HEATR1: variants seen among roughly 807,000 people sequenced by gnomAD.
The protein encoded by HEATR1 is HEAT repeat containing 1.
A neutral mutation model predicts 248.2 loss-of-function variants in HEATR1; 77 were observed. The ratio of observed to expected loss-of-function variants is 0.31; its 90% confidence interval spans 0.26 to 0.37. The LOEUF (loss-of-function observed/expected upper bound fraction) is 0.37, where lower values mean the gene tolerates loss of function less well. HEATR1 is among the 10% of genes least tolerant of loss of function. The probability of loss-of-function intolerance (pLI) is 1.00; values close to 1 mark genes in which losing one functional copy is unlikely to be tolerated. For synonymous variants in HEATR1, 897 were observed against 923.1 expected, an observed-to-expected ratio of 0.97 and a Z score of 0.51; for missense variants, 2,420 against 2,504.9, an observed-to-expected ratio of 0.97 and a Z score of 0.72.
At chr1:236,556,926 G>GA (rs1260147795) in intron 37 of HEATR1, among the ~76,000 whole-genome samples, 1 of 151,456 alleles carries the variant, frequency 6.6e-6, no homozygotes, top group Non-Finnish European at 1.5e-5. Context: ...TCTCACAGAA[G>GA]AAAAAAAAGC....
chr1:236,571,722 T>A, intron 26 of HEATR1, 36 bp from the exon 27 acceptor site: 1 of 1,453,936 alleles, frequency 6.9e-7, no homozygotes, highest in Non-Finnish European at 9.7e-7. Context: ...ATGGGAAATG[T>A]AAAAGTTGTA....
At chr1:236,601,769 C>T (rs936961372) in intron 3 of HEATR1, among the ~76,000 whole-genome samples, 1 of 150,940 alleles carries the variant, frequency 6.6e-6, no homozygotes, top group African/African-American at 2.4e-5. Flanking sequence ...CCCTGGAGAT[C>T]GAGTGGGCCA....
At position 236,555,791 on chromosome 1, in the gene HEATR1, G is replaced by T; in HGVS notation, c.5649+14C>A. 6.2e-7 allele frequency: 1 copy of T among 1,614,084 alleles called. No individual in the cohort carries two copies. On this transcript the variant is annotated intron_variant, in intron 39 of 44. Transcript: ENST00000366582. ...TAACAGCTTTAGGATTTGGAGGAGT[G>T]AACCTGAGCTTACCTCAGAGTGCTG...
intron 44 of HEATR1, chr1:236,551,282 G>A (rs1466890187): frequency 1.9e-5 from 7 of 374,154 alleles, no homozygotes; most frequent in African/African-American, 1.2e-4. Flanking sequence ...CCCTCCAAGA[G>A]CTAAGAAACA....
intron 22 of HEATR1, 95 bp from the exon 23 acceptor site, chr1:236,574,998 G>C: frequency 1.6e-6 from 2 of 1,235,410 alleles, no homozygotes; most frequent in Admixed American, 2.5e-5. Context: ...GAAGATGGGA[G>C]TTTAGCCTGG....
In HEATR1 at chr1:236,550,797, A is replaced by T; in HGVS notation, c.*105T>A. The T allele has an allele frequency of 1.3e-6, 1 of 778,960 alleles. No homozygotes were observed. Among genetic ancestry groups the T allele is most frequent in the Non-Finnish European group, 2.1e-6 (1 of 477,070 alleles). 48.3% of individuals were successfully genotyped at this position (778,960 alleles called of 1,614,324 possible). A position where few individuals can be genotyped will look rare whatever the true frequency, so the allele number is the denominator to read the frequency against. ...TAAAACATTTGTAAGTAATCCAAGT[A>T]GGTGTATTAAGGCACCAAAAGTAAC... On this transcript the variant is annotated 3_prime_UTR_variant, in exon 45 of 45. Transcript: ENST00000366582.
At chr1:236,559,649 A>G (rs1663070093) in intron 34 of HEATR1, 65 bp downstream of exon 34, 1 of 1,515,642 alleles carries the variant, frequency 6.6e-7, no homozygotes, top group Non-Finnish European at 8.9e-7. Context: ...AAAACTTTAC[A>G]TAATTTCACA....
intron 17 of HEATR1, 86 bp downstream of exon 17, chr1:236,584,939 C>T: frequency 1.7e-6 from 2 of 1,177,652 alleles, no homozygotes; most frequent in Non-Finnish European, 2.4e-6. Context: ...AACATCTCGC[C>T]TCTGATTTTC....
chr1:236,559,568 C>A, intron 34 of HEATR1, 146 bp downstream of exon 34: 1 of 977,508 alleles, frequency 1.0e-6, no homozygotes, highest in East Asian at 2.7e-5. Flanking sequence ...TTCTAGTCAT[C>A]AAGAGATTGT....
At chr1:236,587,605 A>T in intron 13 of HEATR1, 115 bp from the exon 14 acceptor site, 1 of 476,470 alleles carries the variant, frequency 2.1e-6, no homozygotes, top group Non-Finnish European at 3.6e-6. Context: ...CAGGAATCCT[A>T]GTACAAATTA....
intron 22 of HEATR1, among the ~76,000 whole-genome samples, 185 bp downstream of exon 22, chr1:236,576,034 C>CT (rs1283918632): frequency 6.6e-6 from 1 of 152,138 alleles, no homozygotes; most frequent in Non-Finnish European, 1.5e-5. Context: ...CTCACCAGTA[C>CT]TTGTCTTTGT....
chr1:236,565,299 T>C (rs970040659), intron 31 of HEATR1, among the ~76,000 whole-genome samples: 5 of 152,180 alleles, frequency 3.3e-5, no homozygotes, highest in Non-Finnish European at 7.4e-5. Flanking sequence ...CTAAGAACTA[T>C]CAACACGTCA....
intron 29 of HEATR1, among the ~76,000 whole-genome samples, chr1:236,568,435 A>G (rs1200625587): frequency 6.6e-6 from 1 of 152,252 alleles, no homozygotes; most frequent in African/African-American, 2.4e-5. Context: ...TGAAGGGTAC[A>G]TAGACAACTC....
chr1:236,569,148 C>T, intron 28 of HEATR1, 24 bp from the exon 29 acceptor site: 1 of 1,531,222 alleles, frequency 6.5e-7, no homozygotes, highest in Non-Finnish European at 8.8e-7. Flanking sequence ...CAACTATCAA[C>T]ATTTTTTATT....
chr1:236,555,188 C>CT, intron 41 of HEATR1, 108 bp downstream of exon 41: 1 of 1,175,706 alleles, frequency 8.5e-7, no homozygotes, highest in South Asian at 1.5e-5. Context: ...TAGCTTAGGA[C>CT]TTAAGAACCT....
rs975652070 is a variant in HEATR1 at position 236,583,048 on chromosome 1, A to G, written c.2390T>C (p.Ile797Thr). 51 of 1,614,066 alleles carry G rather than the reference A, an allele frequency of 3.2e-5. No homozygotes were observed. The highest frequency in any genetic ancestry group is 4.0e-5 in the Non-Finnish European group (47 of 1,180,026). The change falls in exon 18 of 45, where the codon ATT becomes ACT. Residue 797 changes from isoleucine (I) to threonine (T), a missense_variant. By Grantham distance (89) the Ile-to-Thr change is moderately conservative. Coordinates refer to ENST00000366582, the MANE Select transcript of HEATR1 (RefSeq NM_018072.6). Reference sequence around the variant, plus strand: ...AGATTTAGGAGCTTTCAGTGCATAAATAAATTTTTTCAAGGAAAATACAAG... The same window carrying G: ...AGATTTAGGAGCTTTCAGTGCATAAGTAAATTTTTTCAAGGAAAATACAAG... The part of the protein sequence containing the change: ...VFLVFSLKKF[I>T]YALKAPKSFP...
chr1:236,578,416 C>G (rs1449685969), intron 20 of HEATR1, among the ~76,000 whole-genome samples: 1 of 152,154 alleles, frequency 6.6e-6, no homozygotes, highest in Non-Finnish European at 1.5e-5. Context: ...GCAGGAATGC[C>G]TTTGTTTTCC....
Position 236,571,599 on chromosome 1 carries a change from T to A in HEATR1, c.3795A>T (p.Lys1265Asn). 1 of 1,613,794 alleles carries A rather than the reference T, an allele frequency of 6.2e-7. No homozygotes were observed. Among genetic ancestry groups the A allele is most frequent in the South Asian group, 1.1e-5 (1 of 91,044 alleles). ...ILSCLLNICQ[K>N]LSPDGGKIPK... ...GTATTTTGCCACCATCTGGAGATAG[T>A]TTTTGGCAGATGTTGAGCAGACAAC... The change falls in exon 27 of 45, where the codon AAA (lysine) becomes AAT (asparagine). Residue 1265 changes from lysine to asparagine, a missense_variant. Transcript: ENST00000366582.
rs532904523 is a variant in HEATR1 at position 236,550,680 on chromosome 1, G to A, written c.*222C>T. 30 of 455,782 alleles carry A rather than the reference G, an allele frequency of 6.6e-5. No homozygotes were observed. The highest frequency in any genetic ancestry group is 8.9e-5 in the Non-Finnish European group (23 of 258,390). 28.2% of individuals were successfully genotyped at this position (455,782 alleles called of 1,614,324 possible). ...ACACAGCAGTCTGTATAAAAATACCGTGTATCATTTACTCTTTCTGCAGCT... is the reference window on the plus strand; with the variant it reads ...ACACAGCAGTCTGTATAAAAATACCATGTATCATTTACTCTTTCTGCAGCT... On this transcript the variant is annotated 3_prime_UTR_variant, in exon 45 of 45. Transcript: ENST00000366582.
Sources: allele counts gnomAD v4.1 joint callset (sites outside exome capture counted in the v4.1 genomes callset), GRCh38; gene constraint gnomAD v4.1.1; transcripts MANE v1.5; gene names NCBI Gene and HGNC (gene_info 2026-07-23, HGNC 2026-07-21).